The following RPS6KB1 variants were observed in gnomAD, a reference collection of about 807,000 sequenced individuals.
RPS6KB1 encodes the protein ribosomal protein S6 kinase B1.
RPS6KB1 carries 12 observed loss-of-function variants against 70.2 expected under a neutral mutation model. The observed-to-expected ratio is 0.17, with a 90% CI of 0.11 to 0.28. The LOEUF (loss-of-function observed/expected upper bound fraction) is 0.28, where lower values mean the gene tolerates loss of function less well. Among genes scored for constraint, RPS6KB1 ranks in the 10% least tolerant of loss-of-function variants. The probability of loss-of-function intolerance (pLI) is 1.00; values close to 1 mark genes in which losing one functional copy is unlikely to be tolerated. For missense variants in RPS6KB1, 270 were observed against 646.6 expected (o/e 0.42, Z 6.32); for synonymous variants, 175 against 211.2 (o/e 0.83, Z 1.49).
At chr17:59,895,640 T>C (rs1180806592) in intron 1 of RPS6KB1, among the ~76,000 whole-genome samples, 1 of 150,624 alleles carries the variant, frequency 6.6e-6, no homozygotes, top group Admixed American at 6.6e-5. Flanking sequence ...TATTTTATTT[T>C]AATTTTTTTT....
At chr17:59,898,577 C>G (rs2041708654) in intron 1 of RPS6KB1, among the ~76,000 whole-genome samples, 1 of 151,872 alleles carries the variant, frequency 6.6e-6, no homozygotes, top group Non-Finnish European at 1.5e-5. Flanking sequence ...CCTCAGCCTC[C>G]CGAGTAGCTG....
intron 7 of RPS6KB1, among the ~76,000 whole-genome samples, chr17:59,932,526 T>C (rs1396843328): frequency 4.0e-5 from 6 of 151,506 alleles, no homozygotes; most frequent in African/African-American, 1.5e-4. Context: ...TTTGGAAATA[T>C]GATGTTTAGT....
In RPS6KB1 at chr17:59,923,699, G is replaced by A. The variant is rs575818743; in HGVS notation, c.382-2736G>A. ...TAATTTTTGTATTTTTAGTAGAGAC[G>A]GGGTTTCATCATCTTGGCCAGGCTG... On this transcript the variant is annotated intron_variant, in intron 4 of 14. Transcript: ENST00000225577. Among the ~76,000 whole-genome samples, 4 of 151,698 alleles carry A rather than the reference G, an allele frequency of 2.6e-5. No individual in the cohort carries two copies. In the South Asian group the frequency reaches 6.3e-4, roughly 24 times the overall value.
intron 1 of RPS6KB1, among the ~76,000 whole-genome samples, chr17:59,903,966 T>A (rs1309434322): frequency 6.6e-6 from 1 of 152,126 alleles, no homozygotes; most frequent in Non-Finnish European, 1.5e-5. Context: ...GCTGTCAAAC[T>A]CCTGGCCTCA....
chr17:59,915,301 C>A (rs370328386), intron 4 of RPS6KB1, among the ~76,000 whole-genome samples: 1 of 151,734 alleles, frequency 6.6e-6, no homozygotes, highest in African/African-American at 2.4e-5. Flanking sequence ...AAATGTATTT[C>A]TAACACAGTT....
At chr17:59,902,193 C>G (rs1173743030) in intron 1 of RPS6KB1, among the ~76,000 whole-genome samples, 1 of 147,334 alleles carries the variant, frequency 6.8e-6, no homozygotes, top group African/African-American at 2.5e-5. Context: ...CAACCTCTGC[C>G]TCCTGGGTTC....
chr17:59,922,766 G>A (rs553514274), intron 4 of RPS6KB1, among the ~76,000 whole-genome samples: 2 of 151,512 alleles, frequency 1.3e-5, no homozygotes, highest in Admixed American at 6.6e-5. Flanking sequence ...GGATGGTCTC[G>A]ATCTCTTGAC....
intron 1 of RPS6KB1, among the ~76,000 whole-genome samples, chr17:59,908,993 C>G (rs112468259): frequency 0.046 from 6,643 of 143,918 alleles, 513 homozygotes; most frequent in African/African-American, 0.16. Context: ...ATGGCGCGAT[C>G]TCGGCTCACT....
chr17:59,930,519 CT>C (rs112833262), intron 6 of RPS6KB1: 144 of 202,264 alleles, frequency 7.1e-4, no homozygotes, highest in South Asian at 1.8e-3. Context: ...GAAATCATCC[CT>C]TTTTTTTTAG....
chr17:59,947,853 CTCTG>C lies in RPS6KB1; in HGVS notation c.*1069_*1072del. The C allele has an allele frequency of 2.3e-6, 1 of 429,694 alleles. No homozygotes were observed. Among genetic ancestry groups the C allele is most frequent in the Non-Finnish European group, 4.2e-6 (1 of 236,604 alleles). 26.6% of individuals were successfully genotyped at this position (429,694 alleles called of 1,614,324 possible). A position where few individuals can be genotyped will look rare whatever the true frequency, so the allele number is the denominator to read the frequency against. ...GAAGAGGGTGTTGCTGTGGCCCACT[CTCTG>C]TCTAATCTCTTTACAGCAAATTGGT... is the stretch of plus-strand genomic sequence containing the variant. On this transcript the variant is annotated 3_prime_UTR_variant, in exon 15 of 15. Coordinates refer to ENST00000225577, the MANE Select transcript of RPS6KB1 (RefSeq NM_003161.4).
intron 12 of RPS6KB1, among the ~76,000 whole-genome samples, chr17:59,938,369 C>T (rs2044373351): frequency 6.6e-6 from 1 of 151,152 alleles, no homozygotes; most frequent in Admixed American, 6.6e-5. Context: ...TGTGTTGCCC[C>T]ACCTAATTTT....
intron 12 of RPS6KB1, among the ~76,000 whole-genome samples, chr17:59,940,275 C>CTTTT (rs559026454): frequency 4.9e-5 from 4 of 81,490 alleles, no homozygotes; most frequent in Non-Finnish European, 7.0e-5. Flanking sequence ...GATATATTCA[C>CTTTT]TTTTTTTTTT....
intron 1 of RPS6KB1, among the ~76,000 whole-genome samples, chr17:59,904,149 C>T (rs947358914): frequency 6.6e-5 from 10 of 151,754 alleles, no homozygotes; most frequent in South Asian, 2.1e-4. Flanking sequence ...GGCGTGATCT[C>T]GGCTCACTGC....
chr17:59,919,132 A>G (rs1005010099), intron 4 of RPS6KB1, among the ~76,000 whole-genome samples: 2 of 152,144 alleles, frequency 1.3e-5, no homozygotes, highest in African/African-American at 2.4e-5. Flanking sequence ...CATATTTAAG[A>G]GTAGAACTCT....
chr17:59,924,955 A>G (rs751691808), intron 4 of RPS6KB1, among the ~76,000 whole-genome samples: 3 of 151,814 alleles, frequency 2.0e-5, no homozygotes, highest in African/African-American at 4.8e-5. Flanking sequence ...CAGCCTCCCA[A>G]GTAGCTTGGA....
chr17:59,910,677 T>G (rs1598698389), intron 2 of RPS6KB1, 66 bp downstream of exon 2: 1 of 980,260 alleles, frequency 1.0e-6, no homozygotes, highest in East Asian at 2.4e-5. Context: ...TCAGTTCTAT[T>G]TCGTAGCAAT....
At position 59,945,503 on chromosome 17, in the gene RPS6KB1, C is replaced by T; in HGVS notation, c.1325C>T (p.Pro442Leu). The T allele has an allele frequency of 6.3e-7, 1 of 1,594,382 alleles. No homozygotes were observed. Among genetic ancestry groups the T allele is most frequent in the South Asian group, 1.1e-5 (1 of 90,572 alleles). The change falls in exon 14 of 15, where the codon CCA (proline) becomes CTA (leucine). Residue 442 changes from proline to leucine, a missense_variant. Transcript: ENST00000225577. The part of the protein sequence containing the change: ...IRSPRRFIGS[P>L]RTPVSPVKFS... ...TCACCTCGAAGATTTATTGGCAGCC[C>T]ACGAACACCTGTCAGGTATTTCACA...
chr17:59,905,561 A>G (rs890094601), intron 1 of RPS6KB1, among the ~76,000 whole-genome samples: 2 of 150,978 alleles, frequency 1.3e-5, no homozygotes, highest in Non-Finnish European at 2.9e-5. Context: ...CTGGAGGGCA[A>G]TGACACGCTC....
intron 1 of RPS6KB1, among the ~76,000 whole-genome samples, chr17:59,902,131 G>A (rs1250082433): frequency 3.5e-5 from 4 of 115,774 alleles, no homozygotes; most frequent in Non-Finnish European, 6.5e-5. Context: ...TTGAGATGGA[G>A]TCTCACTCTA....
Sources: gnomAD v4.1 joint callset for allele counts (sites outside exome capture counted in the v4.1 genomes callset) on GRCh38, gnomAD v4.1.1 for gene constraint, MANE v1.5 for transcripts, NCBI Gene and HGNC (gene_info 2026-07-23, HGNC 2026-07-21) for gene names.